Variants in RALA observed in about 807,000 individuals in gnomAD.
RALA encodes the protein ras-related protein Ral-A.
Under a neutral mutation model 24.0 loss-of-function variants are expected in RALA, and 5 were observed. The ratio of observed to expected loss-of-function variants is 0.21; its 90% CI spans 0.11 to 0.44. The LOEUF is 0.44. RALA is among the 20% of genes least tolerant of loss of function. The pLI is 0.99. For synonymous variants in RALA, 77 were observed against 83.8 expected (o/e 0.92, Z 0.44); for missense variants, 95 against 241.2 (o/e 0.39, Z 4.01).
At chr7:39,697,948 AGTGTGT>A (rs370929636) in intron 4 of RALA, among the ~76,000 whole-genome samples, 2 of 148,790 alleles carry the variant, frequency 1.3e-5, no homozygotes, top group East Asian at 2.0e-4. Flanking sequence ...GACTAGGGCA[AGTGTGT>A]GTGTGTGTGT....
At chr7:39,644,074 A>T (rs981020551) in intron 1 of RALA, among the ~76,000 whole-genome samples, 24 of 152,202 alleles carry the variant, frequency 1.6e-4, no homozygotes, top group African/African-American at 5.5e-4. Flanking sequence ...GAGAGAGACA[A>T]AATTCTGGAC....
chr7:39,642,334 T>C lies in RALA; in HGVS notation c.-38+18509T>C, dbSNP rs373667235. 2.5e-4 allele frequency among the ~76,000 whole-genome samples: 38 copies of C among 152,220 alleles called. 3 individuals are homozygous for C. The South Asian group carries it at 7.5e-3, about 30-fold the overall frequency. Reference sequence around the variant, plus strand: ...GGGAAACGGTGGAAAGGTAAAGATATAGGGGGAAAGTAAAGGAGTAAGATT... The same window carrying C: ...GGGAAACGGTGGAAAGGTAAAGATACAGGGGGAAAGTAAAGGAGTAAGATT... On this transcript the variant is annotated intron_variant, in intron 1 of 4. Transcript: ENST00000005257.
At chr7:39,625,098 G>A (rs1791458379) in intron 1 of RALA, among the ~76,000 whole-genome samples, 1 of 152,144 alleles carries the variant, frequency 6.6e-6, no homozygotes, top group African/African-American at 2.4e-5. Context: ...GAACATAGAA[G>A]CTGTTCACAC....
intron 1 of RALA, among the ~76,000 whole-genome samples, chr7:39,684,305 GA>G (rs1792655900): frequency 6.6e-6 from 1 of 152,042 alleles, no homozygotes; most frequent in Non-Finnish European, 1.5e-5. Context: ...AGAACAGGAT[GA>G]AAAAATGCAT....
intron 1 of RALA, among the ~76,000 whole-genome samples, chr7:39,649,432 G>T (rs1791983061): frequency 6.6e-6 from 1 of 152,208 alleles, no homozygotes; most frequent in African/African-American, 2.4e-5. Context: ...CCAATAGGAG[G>T]TGATTAGTTC....
intron 1 of RALA, among the ~76,000 whole-genome samples, chr7:39,653,202 G>A (rs1242263897): frequency 1.3e-5 from 2 of 151,814 alleles, no homozygotes; most frequent in African/African-American, 2.4e-5. Context: ...GCTAATTTTT[G>A]TATTTTTAGT....
intron 1 of RALA, among the ~76,000 whole-genome samples, chr7:39,676,322 C>G (rs761021625): frequency 3.9e-5 from 6 of 152,122 alleles, no homozygotes; most frequent in Non-Finnish European, 8.8e-5. Flanking sequence ...AAGGGAAATG[C>G]TTCCTTGAAT....
intron 4 of RALA, among the ~76,000 whole-genome samples, chr7:39,698,463 A>T (rs1051384957): frequency 2.6e-5 from 4 of 152,234 alleles, no homozygotes; most frequent in Non-Finnish European, 5.9e-5. Context: ...TAAAATGCCC[A>T]GCCTGTGCCT....
chr7:39,701,576 A>G (rs926518449), intron 4 of RALA, among the ~76,000 whole-genome samples: 2 of 152,200 alleles, frequency 1.3e-5, no homozygotes, highest in Admixed American at 6.5e-5. Context: ...GTCATCCACT[A>G]CTAGAAGCCT....
chr7:39,628,410 C>CACACACAT (rs1791533270), intron 1 of RALA, among the ~76,000 whole-genome samples: 1 of 148,444 alleles, frequency 6.7e-6, no homozygotes. Context: ...CACACACACA[C>CACACACAT]ACATTCTTTC....
chr7:39,652,477 C>T (rs557006581), intron 1 of RALA, among the ~76,000 whole-genome samples: 12 of 152,164 alleles, frequency 7.9e-5, no homozygotes, highest in African/African-American at 2.2e-4. Flanking sequence ...GATGAAGGTC[C>T]GTTGGTTTTA....
chr7:39,690,359 T>C (rs377511174), intron 2 of RALA, 23 bp from the exon 3 acceptor site: 73 of 1,559,438 alleles, frequency 4.7e-5, no homozygotes, highest in Non-Finnish European at 5.8e-5. Flanking sequence ...ATTAAAAAAT[T>C]GGTGTGTTTT....
chr7:39,659,960 A>G (rs764109562), intron 1 of RALA, among the ~76,000 whole-genome samples: 49 of 152,288 alleles, frequency 3.2e-4, no homozygotes, highest in Admixed American at 9.8e-4. Context: ...CAAGGGAGCT[A>G]TGTGCAGCTC....
At chr7:39,673,501 T>TTA (rs773435962) in intron 1 of RALA, among the ~76,000 whole-genome samples, 1 of 152,168 alleles carries the variant, frequency 6.6e-6, no homozygotes, top group Non-Finnish European at 1.5e-5. Flanking sequence ...TTATTCTTAG[T>TTA]TATATACTCT....
chr7:39,671,228 A>C (rs1792381763), intron 1 of RALA, among the ~76,000 whole-genome samples: 1 of 152,056 alleles, frequency 6.6e-6, no homozygotes, highest in Non-Finnish European at 1.5e-5. Flanking sequence ...AAGGATAAAA[A>C]TCTAAAGACT....
chr7:39,687,489 T>C (rs1290755887), intron 2 of RALA, among the ~76,000 whole-genome samples: 1 of 152,210 alleles, frequency 6.6e-6, no homozygotes, highest in Non-Finnish European at 1.5e-5. Context: ...GTGTTTGGCA[T>C]GGCACTACAT....
At chr7:39,676,663 A>G (rs1792491887) in intron 1 of RALA, among the ~76,000 whole-genome samples, 2 of 152,212 alleles carry the variant, frequency 1.3e-5, no homozygotes, top group South Asian at 2.1e-4. Flanking sequence ...AAAGAAGATA[A>G]TAATGAATTC....
At chr7:39,664,731 C>T (rs1054970568) in intron 1 of RALA, among the ~76,000 whole-genome samples, 2 of 151,664 alleles carry the variant, frequency 1.3e-5, no homozygotes, top group Non-Finnish European at 2.9e-5. Context: ...AAACTGTGTC[C>T]GAATGTTGTG....
Position 39,640,966 on chromosome 7 carries a change from C to T in RALA, c.-38+17141C>T, listed in dbSNP as rs190861203. 9.8e-4 allele frequency among the ~76,000 whole-genome samples: 149 copies of T among 152,274 alleles called. 1 individual carries two copies. The highest frequency in any genetic ancestry group is 1.5e-3 in the Non-Finnish European group (101 of 68,018). On this transcript the variant is annotated intron_variant, in intron 1 of 4. Coordinates refer to ENST00000005257, the MANE Select transcript of RALA (RefSeq NM_005402.4). ...CTTCATGTGGTCAGGAATATAGTCA[C>T]CTTTATCTCCAGATTCAGTTCTTCC...
Sources: allele counts gnomAD v4.1 joint callset (sites outside exome capture counted in the v4.1 genomes callset), GRCh38; gene constraint gnomAD v4.1.1; transcripts MANE v1.5; gene names NCBI Gene and HGNC (gene_info 2026-07-23, HGNC 2026-07-21).